The following MED13 variants were observed in gnomAD, a reference collection of about 807,000 sequenced individuals.
The protein encoded by MED13 is mediator of RNA polymerase II transcription subunit 13.
In MED13, 23 loss-of-function variants were observed where a neutral mutation model predicts 225.2. The observed-to-expected ratio is 0.10, with a 90% CI of 0.07 to 0.14. The LOEUF is 0.14. Among genes scored for constraint, MED13 ranks in the 10% least tolerant of loss-of-function variants. The probability of loss-of-function intolerance (pLI) is 1.00; values close to 1 mark genes in which losing one functional copy is unlikely to be tolerated. For synonymous variants in MED13, 942 were observed against 889.2 expected, an observed-to-expected ratio of 1.06 and a Z score of -1.06; for missense variants, 2,197 against 2,594.5, an observed-to-expected ratio of 0.85 and a Z score of 3.33.
intron 7 of MED13, 31 bp from the exon 8 acceptor site, chr17:62,029,682 A>T: frequency 6.3e-7 from 1 of 1,583,848 alleles, no homozygotes; most frequent in Non-Finnish European, 8.6e-7. Flanking sequence ...ATTCTTTAAA[A>T]TTCATAAAAT....
At chr17:61,973,264 T>C (rs2080125139) in intron 16 of MED13, among the ~76,000 whole-genome samples, 1 of 152,100 alleles carries the variant, frequency 6.6e-6, no homozygotes, top group Non-Finnish European at 1.5e-5. Context: ...TTATATCCCA[T>C]CATTAGCACT....
At chr17:62,064,582 G>A (rs1485901080) in intron 1 of MED13, among the ~76,000 whole-genome samples, 2 of 152,162 alleles carry the variant, frequency 1.3e-5, no homozygotes, top group African/African-American at 4.8e-5. Flanking sequence ...GAAAACATAT[G>A]AAATGGCACC....
chr17:62,013,815 T>C (rs1357448677), intron 8 of MED13, among the ~76,000 whole-genome samples: 1 of 151,978 alleles, frequency 6.6e-6, no homozygotes, highest in Non-Finnish European at 1.5e-5. Context: ...CCGAGGTAGG[T>C]GGATCATGAA....
Position 61,983,918 on chromosome 17 carries a change from G to A in MED13, c.2888+253C>T, listed in dbSNP as rs373285404. Among the ~76,000 whole-genome samples, 40 of 152,062 alleles carry A rather than the reference G, an allele frequency of 2.6e-4. No homozygotes were observed. The East Asian group carries it at 4.4e-3, about 17-fold the overall frequency. On this transcript the variant is annotated intron_variant, in intron 15 of 29. Coordinates refer to ENST00000397786, the MANE Select transcript of MED13 (RefSeq NM_005121.3). ...TAATTTTTGTATTTTTAGTAGAGAC[G>A]AGGTTTCGTATGTTGGCCAGGCTGA...
chr17:61,960,853 G>A lies in MED13; in HGVS notation c.5480+14C>T. On this transcript the variant is annotated intron_variant, in intron 23 of 29. Coordinates refer to ENST00000397786, the MANE Select transcript of MED13 (RefSeq NM_005121.3). ...AAATGGAATGATATGATATATTTAG[G>A]GAAATACAAATACCTATTTGGAACA... 1.2e-5 allele frequency: 18 copies of A among 1,525,984 alleles called. No individual in the cohort carries two copies. Among genetic ancestry groups the A allele is most frequent in the Non-Finnish European group, 1.6e-5 (18 of 1,105,356 alleles). 94.5% of individuals were successfully genotyped at this position (1,525,984 alleles called of 1,614,324 possible).
intron 3 of MED13, 100 bp downstream of exon 3, chr17:62,052,437 A>G (rs888013486): frequency 5.8e-6 from 5 of 862,018 alleles, no homozygotes; most frequent in Non-Finnish European, 8.3e-6. Context: ...AACCTCTGGA[A>G]TATGTCTGTA....
chr17:62,020,065 G>T (rs905466008), intron 8 of MED13, among the ~76,000 whole-genome samples: 1 of 151,998 alleles, frequency 6.6e-6, no homozygotes, highest in Non-Finnish European at 1.5e-5. Flanking sequence ...CTTCATGCTA[G>T]AACACAACCA....
chr17:61,985,449 A>T (rs1438960192), intron 12 of MED13, among the ~76,000 whole-genome samples: 1 of 152,130 alleles, frequency 6.6e-6, no homozygotes, highest in Non-Finnish European at 1.5e-5. Flanking sequence ...TGAGGCAGGC[A>T]GATCAATTTG....
chr17:62,062,730 T>C (rs1266372075), intron 2 of MED13, among the ~76,000 whole-genome samples: 1 of 152,158 alleles, frequency 6.6e-6, no homozygotes, highest in East Asian at 1.9e-4. Context: ...ATCTGGCTTC[T>C]AAACTATTAC....
chr17:61,955,260 T>TA (rs2079932394), intron 26 of MED13, 122 bp downstream of exon 26: 2 of 793,518 alleles, frequency 2.5e-6, no homozygotes, highest in Non-Finnish European at 3.7e-6. Flanking sequence ...GATCCTTAAC[T>TA]TATCACATCT....
At chr17:62,029,763 A>T (rs1187723691) in intron 7 of MED13, 88 bp downstream of exon 7, 1 of 1,515,780 alleles carries the variant, frequency 6.6e-7, no homozygotes, top group African/African-American at 1.4e-5. Context: ...AGAAAAATCA[A>T]ACAAATGACT....
intron 28 of MED13, 77 bp downstream of exon 28, chr17:61,950,745 TAAA>T (rs1352297401): frequency 7.0e-7 from 1 of 1,426,812 alleles, no homozygotes; most frequent in Admixed American, 2.2e-5. Context: ...CTATAAGACT[TAAA>T]AAAGCCACTT....
In MED13 at chr17:62,022,175, ATAT is replaced by A. The variant is rs1474438531; in HGVS notation, c.1283+7363_1283+7365del. Among the ~76,000 whole-genome samples, 853 of 104,452 alleles carry A rather than the reference ATAT, an allele frequency of 8.2e-3. 10 individuals carry two copies. Among genetic ancestry groups the A allele is most frequent in the African/African-American group, 0.025 (786 of 31,744 alleles). 68.5% of individuals were successfully genotyped at this position (104,452 alleles called of 152,430 possible). ...AGAGCAAGACTGTCTCAAAAAAAAA[ATAT>A]ATATATATATATATATATTCTTAAA... On this transcript the variant is annotated intron_variant, in intron 8 of 29. Coordinates refer to ENST00000397786, the MANE Select transcript of MED13 (RefSeq NM_005121.3).
chr17:61,997,225 A>C (rs2080354576), intron 9 of MED13, among the ~76,000 whole-genome samples: 1 of 152,216 alleles, frequency 6.6e-6, no homozygotes, highest in Non-Finnish European at 1.5e-5. Flanking sequence ...TCAAAACAAA[A>C]ACTGATTTCT....
At chr17:61,992,213 T>A (rs73991954) in intron 11 of MED13, among the ~76,000 whole-genome samples, 1,848 of 152,334 alleles carry the variant, frequency 0.012, 37 homozygotes, top group African/African-American at 0.041. Context: ...CCAGTCAATA[T>A]GTGCCTTCAT....
chr17:61,971,373 A>C (rs1262985495), intron 17 of MED13, among the ~76,000 whole-genome samples: 1 of 151,512 alleles, frequency 6.6e-6, no homozygotes, highest in Non-Finnish European at 1.5e-5. Context: ...GCTGGCGGCA[A>C]CCTGCGCCTC....
At chr17:61,956,848 G>C (rs2079949816) in intron 23 of MED13, among the ~76,000 whole-genome samples, 1 of 152,034 alleles carries the variant, frequency 6.6e-6, no homozygotes, top group African/African-American at 2.4e-5. Flanking sequence ...GACATTTTAA[G>C]AGAGCTCAAA....
intron 14 of MED13, 76 bp from the exon 15 acceptor site, chr17:61,984,443 A>G (rs2080231347): frequency 8.7e-7 from 1 of 1,154,066 alleles, no homozygotes. Flanking sequence ...CAGGCTCTGG[A>G]CCTTTTTTCC....
intron 3 of MED13, among the ~76,000 whole-genome samples, chr17:62,049,698 G>A (rs548526637): frequency 6.6e-5 from 10 of 150,904 alleles, no homozygotes; most frequent in African/African-American, 1.9e-4. Context: ...TGGGGAGGCC[G>A]AGGTGGGCGG....
Sources: gnomAD v4.1 joint callset for allele counts (sites outside exome capture counted in the v4.1 genomes callset) on GRCh38, gnomAD v4.1.1 for gene constraint, MANE v1.5 for transcripts, NCBI Gene and HGNC (gene_info 2026-07-23, HGNC 2026-07-21) for gene names.